KCNQ1: variants seen among roughly 807,000 people sequenced by gnomAD.
KCNQ1 encodes the protein potassium voltage-gated channel subfamily KQT member 1.
A neutral mutation model predicts 72.4 loss-of-function variants in KCNQ1; 49 were observed. The observed-to-expected ratio is 0.68, with a 90% CI of 0.54 to 0.86. The LOEUF (loss-of-function observed/expected upper bound fraction) is 0.86, where lower values mean the gene tolerates loss of function less well. Among genes scored for constraint, KCNQ1 ranks in the 40% least tolerant of loss-of-function variants. KCNQ1 has a pLI of 0.00. For missense variants in KCNQ1, 790 were observed against 945.1 expected (o/e 0.84, Z 2.15); for synonymous variants, 450 against 412.6 (o/e 1.09, Z -1.10).
chr11:2,640,116 T>G (rs1278538557), intron 10 of KCNQ1: 3 of 299,296 alleles, frequency 1.0e-5, no homozygotes, highest in Non-Finnish European at 1.8e-5. Context: ...ACCCCTTCCG[T>G]TGGCTAGGAA....
rs1475154639 is a variant in KCNQ1, at chr11:2,674,831, TTAA to T, written c.1514+12751_1514+12753del. 566 of 365,864 alleles carry T rather than the reference TTAA, an allele frequency of 1.5e-3. No homozygotes were observed. Among genetic ancestry groups the T allele is most frequent in the East Asian group, 8.3e-3 (213 of 25,614 alleles). The allele number at this position is 365,864 out of a possible 1,614,324, so 22.7% of individuals were successfully genotyped here. A position where few individuals can be genotyped will look rare whatever the true frequency, so the allele number is the denominator to read the frequency against. On this transcript the variant is annotated intron_variant, in intron 11 of 15. Transcript: ENST00000155840. This position sits in a 1 kb window ranked among gnomAD's most constrained non-coding sequence, Gnocchi z 5.9. The stretch of plus-strand genomic sequence containing the variant: ...GGCTTGTCACCCTAATAGCTGTTTT[TTAA>T]AAAAAAAAAAAAAAAAAAAAAAAAA...
rs1274591455 is a variant in KCNQ1 at position 2,710,817 on chromosome 11, T to C, written c.1514+48736T>C. 2.6e-5 allele frequency among the ~76,000 whole-genome samples: 4 copies of C among 152,240 alleles called. No homozygotes were observed. The highest frequency in any genetic ancestry group is 9.6e-5 in the African/African-American group (4 of 41,474). Reference sequence around the variant, plus strand: ...TGAAGGTTTATTTCTGGATTCTCAATTTTATTCTATTGATTTGTTTGTCTA... The same window carrying C: ...TGAAGGTTTATTTCTGGATTCTCAACTTTATTCTATTGATTTGTTTGTCTA... On this transcript the variant is annotated intron_variant, in intron 11 of 15. Transcript: ENST00000155840. This position sits in a 1 kb window ranked among gnomAD's most constrained non-coding sequence, Gnocchi z 4.1.
At chr11:2,534,256 G>A (rs887440947) in intron 2 of KCNQ1, among the ~76,000 whole-genome samples, 2 of 152,090 alleles carry the variant, frequency 1.3e-5, no homozygotes, top group Admixed American at 6.5e-5. Context: ...TGCTCAGGGC[G>A]CCCGCAGGCC....
At chr11:2,833,366 C>T (rs1847992758) in intron 15 of KCNQ1, among the ~76,000 whole-genome samples, 1 of 152,214 alleles carries the variant, frequency 6.6e-6, no homozygotes, top group African/African-American at 2.4e-5. Flanking sequence ...TGCCCCACCC[C>T]TCTCCAAGCT....
At chr11:2,840,969 TAGGCTCC>T (rs113370506) in intron 15 of KCNQ1, among the ~76,000 whole-genome samples, 3,096 of 152,264 alleles carry the variant, frequency 0.02, 110 homozygotes, top group African/African-American at 0.07. Flanking sequence ...GGGCACCTTC[TAGGCTCC>T]AGGCTCCAGG....
chr11:2,519,871 C>T (rs949215091), intron 1 of KCNQ1, among the ~76,000 whole-genome samples: 1 of 152,068 alleles, frequency 6.6e-6, no homozygotes, highest in Admixed American at 6.5e-5. Flanking sequence ...TCCCGAGAGG[C>T]GTGATTGCAT....
intron 11 of KCNQ1, among the ~76,000 whole-genome samples, chr11:2,700,560 C>A (rs1850789407): frequency 6.6e-6 from 1 of 151,774 alleles, no homozygotes; most frequent in South Asian, 2.1e-4. Flanking sequence ...GCGTTTTCCC[C>A]CCTCCCAGCG....
intron 12 of KCNQ1, among the ~76,000 whole-genome samples, chr11:2,773,739 A>G (rs1846641985): frequency 7.9e-6 from 1 of 126,044 alleles, no homozygotes; most frequent in African/African-American, 3.0e-5. Context: ...AGGGAGGATC[A>G]GGGCTCAATA....
At chr11:2,596,941 T>G (rs545079706) in intron 10 of KCNQ1, among the ~76,000 whole-genome samples, 1 of 151,952 alleles carries the variant, frequency 6.6e-6, no homozygotes, top group African/African-American at 2.4e-5. Context: ...TTTTTATTGA[T>G]AACCTAAAGA....
rs141444506 is a variant in KCNQ1, at chr11:2,523,880, G to C, written c.387-4048G>C. On this transcript the variant is annotated intron_variant, in intron 1 of 15. Coordinates refer to ENST00000155840, the MANE Select transcript of KCNQ1 (RefSeq NM_000218.3). ...GGCCTCCATTTGCTCATCTGAGAGT[G>C]GGGGGAGTGCAGCGCCTTCCGTGCA... Among the ~76,000 whole-genome samples the C allele has an allele frequency of 5.5e-4, 83 of 151,668 alleles. No homozygotes were observed. The East Asian group carries it at 9.7e-3, about 18-fold the overall frequency.
rs558110854 is a variant in KCNQ1, at chr11:2,464,450, G to C, written c.386+18966G>C. Among the ~76,000 whole-genome samples, 20 of 152,324 alleles carry C rather than the reference G, an allele frequency of 1.3e-4. No individual in the cohort carries two copies. The highest frequency in any genetic ancestry group is 4.6e-4 in the African/African-American group (19 of 41,560). ...CTGGCATCGCATGGATGAGAACTCT[G>C]AATGAATTGAGTGTGATTTGACCTA... On this transcript the variant is annotated intron_variant, in intron 1 of 15. Coordinates refer to ENST00000155840, the MANE Select transcript of KCNQ1 (RefSeq NM_000218.3). This position sits in a 1 kb window ranked among gnomAD's most constrained non-coding sequence, Gnocchi z 5.0.
chr11:2,722,469 G>C (rs1164660290), intron 11 of KCNQ1, among the ~76,000 whole-genome samples: 1 of 152,184 alleles, frequency 6.6e-6, no homozygotes, highest in Non-Finnish European at 1.5e-5. Flanking sequence ...CCTCACAAAG[G>C]AGATCGGGAA....
intron 15 of KCNQ1, among the ~76,000 whole-genome samples, chr11:2,819,848 G>A (rs1847696464): frequency 6.6e-6 from 1 of 152,112 alleles, no homozygotes. Flanking sequence ...GCCACTTTTG[G>A]TATTTTTTGC....
rs372027284 is a variant in KCNQ1 at position 2,655,528 on chromosome 11, C to T, written c.1394-6433C>T. On this transcript the variant is annotated intron_variant, in intron 10 of 15. Transcript: ENST00000155840. ...TGCCCTTTCAAGTACACCATGGGCT[C>T]AACCTTCTCTGCAGCTGTGAGTTCA... 1.0e-5 allele frequency: 4 copies of T among 398,600 alleles called. No individual in the cohort carries two copies. In the Admixed American group the frequency reaches 1.8e-4, roughly 18 times the overall value. The allele number at this position is 398,600 out of a possible 1,614,324, so 24.7% of individuals were successfully genotyped here.
chr11:2,707,622 G>C (rs1850931948), intron 11 of KCNQ1, among the ~76,000 whole-genome samples: 1 of 152,196 alleles, frequency 6.6e-6, no homozygotes, highest in African/African-American at 2.4e-5. Flanking sequence ...GGGAGGCTTT[G>C]TTTATCTCCC....
chr11:2,831,597 CAT>C (rs1847951392), intron 15 of KCNQ1, among the ~76,000 whole-genome samples: 1 of 151,976 alleles, frequency 6.6e-6, no homozygotes, highest in Admixed American at 6.6e-5. Flanking sequence ...TGGCCACAAC[CAT>C]AGTGTCCCCT....
chr11:2,709,608 C>A (rs1341719443), intron 11 of KCNQ1, among the ~76,000 whole-genome samples: 1 of 152,048 alleles, frequency 6.6e-6, no homozygotes, highest in Non-Finnish European at 1.5e-5. Flanking sequence ...CTAAAAGCAA[C>A]CCTGCATTCT....
At position 2,541,024 on chromosome 11, in the gene KCNQ1, C is replaced by G. The variant is rs567931635; in HGVS notation, c.477+13006C>G. ...ACGGATGGGCGTGTGGACGTATGCA[C>G]ACATAGGTACCCATGTGGACACACT... On this transcript the variant is annotated intron_variant, in intron 2 of 15. Coordinates refer to ENST00000155840, the MANE Select transcript of KCNQ1 (RefSeq NM_000218.3). This position sits in a 1 kb window ranked among gnomAD's most constrained non-coding sequence, Gnocchi z 4.8. Among the ~76,000 whole-genome samples, 1 of 152,338 alleles carries G rather than the reference C, an allele frequency of 6.6e-6. No homozygotes were observed. Among genetic ancestry groups the G allele is most frequent in the African/African-American group, 2.4e-5 (1 of 41,584 alleles).
chr11:2,556,839 A>G (rs1415418330), intron 2 of KCNQ1, among the ~76,000 whole-genome samples: 1 of 152,206 alleles, frequency 6.6e-6, no homozygotes, highest in Non-Finnish European at 1.5e-5. Context: ...GTTCAGTGAC[A>G]TCCTCAACTT....
Sources: allele counts gnomAD v4.1 joint callset (sites outside exome capture counted in the v4.1 genomes callset), GRCh38; gene constraint gnomAD v4.1.1; non-coding constraint Gnocchi (gnomAD v3.1); transcripts MANE v1.5; gene names NCBI Gene and HGNC (gene_info 2026-07-23, HGNC 2026-07-21).